The following EPCAM variants were observed in gnomAD, a reference collection of about 807,000 sequenced individuals.
EPCAM encodes the protein epithelial cell adhesion molecule.
A neutral mutation model predicts 40.0 loss-of-function variants in EPCAM; 39 were observed. That is an observed-to-expected ratio of 0.98 (90% CI 0.76 to 1.27). The LOEUF (loss-of-function observed/expected upper bound fraction) is 1.27, where lower values mean the gene tolerates loss of function less well. EPCAM is among the 50% of genes most tolerant of loss of function. EPCAM has a pLI of 0.00. For synonymous variants in EPCAM, 168 were observed against 132.3 expected, an observed-to-expected ratio of 1.27 and a Z score of -1.85; for missense variants, 503 against 381.2, an observed-to-expected ratio of 1.32 and a Z score of -2.66.
chr2:47,383,982 T>TC (rs1671668719), intron 7 of EPCAM, among the ~76,000 whole-genome samples: 1 of 152,110 alleles, frequency 6.6e-6, no homozygotes, highest in Non-Finnish European at 1.5e-5. Context: ...TTCCTTTTTT[T>TC]CTTTCTCTTT....
At chr2:47,373,408 A>G in intron 1 of EPCAM, 55 bp from the exon 2 acceptor site, 1 of 1,064,346 alleles carries the variant, frequency 9.4e-7, no homozygotes, top group South Asian at 1.3e-5. Context: ...CTTAGCTGGG[A>G]CATGAGAGTT....
Position 47,379,777 on chromosome 2 carries a change from T to C in EPCAM, c.666T>C (p.Gly222=). 7 of 1,613,050 alleles carry C rather than the reference T, an allele frequency of 4.3e-6. No individual in the cohort carries two copies. Among genetic ancestry groups the C allele is most frequent in the Non-Finnish European group, 5.1e-6 (6 of 1,179,764 alleles). The change falls in exon 7 of 9, where the codon GGT becomes GGC. Residue 222 remains glycine (G), a synonymous_variant. Coordinates refer to ENST00000263735, the MANE Select transcript of EPCAM (RefSeq NM_002354.3). The stretch of plus-strand genomic sequence containing the variant: ...TCTCCTTTTCAATACAGGTTAAAGG[T>C]GAATCCTTGTTTCATTCTAAGAAAA... ...VAYYFEKDVK[G]ESLFHSKKMD...
intron 5 of EPCAM, among the ~76,000 whole-genome samples, chr2:47,378,682 T>C (rs752111488): frequency 2.3e-4 from 35 of 152,138 alleles, no homozygotes; most frequent in Non-Finnish European, 4.1e-4. Flanking sequence ...TTTAAAAATC[T>C]TTTCAATATA....
chr2:47,379,187 C>T (rs1282238411), intron 6 of EPCAM, 133 bp downstream of exon 6: 2 of 668,496 alleles, frequency 3.0e-6, no homozygotes, highest in South Asian at 1.6e-5. Flanking sequence ...TAATTTTGTC[C>T]TCCCTGTCAC....
intron 1 of EPCAM, among the ~76,000 whole-genome samples, chr2:47,370,081 A>G (rs892932956): frequency 6.6e-6 from 1 of 152,142 alleles, no homozygotes; most frequent in African/African-American, 2.4e-5. Context: ...GCCGCTATGC[A>G]CCTGCGCGCG....
intron 1 of EPCAM, 74 bp downstream of exon 1, chr2:47,369,655 C>G: frequency 7.0e-7 from 1 of 1,426,788 alleles, no homozygotes; most frequent in Non-Finnish European, 9.7e-7. Context: ...CCTCGGCCCC[C>G]GAAACGGGCA....
chr2:47,384,780 C>G (rs750238521), intron 7 of EPCAM, among the ~76,000 whole-genome samples: 1 of 152,194 alleles, frequency 6.6e-6, no homozygotes, highest in Non-Finnish European at 1.5e-5. Context: ...CATCTCCACT[C>G]ACTGCAACCT....
At chr2:47,377,554 G>A (rs578114263) in intron 5 of EPCAM, 16 of 241,896 alleles carry the variant, frequency 6.6e-5, no homozygotes, top group African/African-American at 2.3e-4. Context: ...TTTGGTTATC[G>A]TTGTTTTCCT....
intron 5 of EPCAM, among the ~76,000 whole-genome samples, chr2:47,378,095 GT>G (rs1432111694): frequency 1.3e-5 from 2 of 151,938 alleles, no homozygotes; most frequent in Non-Finnish European, 2.9e-5. Context: ...GCCGAATGTG[GT>G]GGTGGGCACC....
chr2:47,370,870 C>A (rs1671244196), intron 1 of EPCAM, among the ~76,000 whole-genome samples: 1 of 152,088 alleles, frequency 6.6e-6, no homozygotes, highest in Non-Finnish European at 1.5e-5. Context: ...CATGCACCAC[C>A]ACGGTCAGCT....
intron 7 of EPCAM, among the ~76,000 whole-genome samples, chr2:47,381,670 C>A (rs574171333): frequency 6.6e-6 from 1 of 152,142 alleles, no homozygotes; most frequent in South Asian, 2.1e-4. Context: ...AAAGTAAACT[C>A]CCAAGAAAAT....
At position 47,385,274 on chromosome 2, in the gene EPCAM, C is replaced by T. The variant is rs1314175356; in HGVS notation, c.903+64C>T. On this transcript the variant is annotated intron_variant, in intron 8 of 8. Coordinates refer to ENST00000263735, the MANE Select transcript of EPCAM (RefSeq NM_002354.3). ...AATCTCTTACTCCTAATCACTCTAC[C>T]TTCCTACACACTGATGCATTTCAGT... 4 of 1,285,982 alleles carry T rather than the reference C, an allele frequency of 3.1e-6. No homozygotes were observed. In the South Asian group the frequency reaches 3.6e-5, roughly 11 times the overall value. 79.7% of individuals were successfully genotyped at this position (1,285,982 alleles called of 1,614,324 possible).
At chr2:47,369,634 C>T (rs1573389407) in intron 1 of EPCAM, 53 bp downstream of exon 1, 2 of 1,500,432 alleles carry the variant, frequency 1.3e-6, no homozygotes, top group Non-Finnish European at 1.8e-6. Context: ...TGGGGGGCAG[C>T]GGCCCCCGGC....
Position 47,374,127 on chromosome 2 carries a change from T to C in EPCAM, c.425+79T>C, listed in dbSNP as rs978011624. ...TAAATTTATTTTTGATTATGTAATA[T>C]GATTTCATGGTTTAGAATTCAGAAG... On this transcript the variant is annotated intron_variant, in intron 3 of 8. Transcript: ENST00000263735. 114 of 1,513,204 alleles carry C rather than the reference T, an allele frequency of 7.5e-5. 1 individual carries two copies. The South Asian group carries it at 9.1e-4, about 12-fold the overall frequency. 93.7% of individuals were successfully genotyped at this position (1,513,204 alleles called of 1,614,324 possible).
rs115871361 is a variant in EPCAM, at chr2:47,371,042, A to G, written c.76+1461A>G. On this transcript the variant is annotated intron_variant, in intron 1 of 8. Transcript: ENST00000263735. The stretch of plus-strand genomic sequence containing the variant: ...TTTGTATTTGTAGAGACGACATCTC[A>G]CTATGTTGCCCAGGCTGGTCTCGAA... Among the ~76,000 whole-genome samples, 1,487 of 151,588 alleles carry G rather than the reference A, an allele frequency of 9.8e-3. 30 individuals carry two copies. Among genetic ancestry groups the G allele is most frequent in the African/African-American group, 0.032 (1,333 of 41,306 alleles).
At chr2:47,372,001 A>G (rs546451033) in intron 1 of EPCAM, among the ~76,000 whole-genome samples, 2 of 152,318 alleles carry the variant, frequency 1.3e-5, no homozygotes, top group African/African-American at 4.8e-5. Flanking sequence ...TTAACTAGAC[A>G]AAAGGAATTA....
chr2:47,370,425 C>A (rs1196281914), intron 1 of EPCAM, among the ~76,000 whole-genome samples: 3 of 151,430 alleles, frequency 2.0e-5, no homozygotes, highest in Non-Finnish European at 2.9e-5. Context: ...TACAGGCGCG[C>A]GCCACCACCC....
intron 1 of EPCAM, 187 bp downstream of exon 1, chr2:47,369,768 C>G (rs756029969): frequency 3.3e-5 from 24 of 718,692 alleles, no homozygotes; most frequent in African/African-American, 3.3e-4. Flanking sequence ...CGGCGAGGGC[C>G]GTCCCGGGGA....
At chr2:47,378,335 CTT>C (rs1433317267) in intron 5 of EPCAM, among the ~76,000 whole-genome samples, 2 of 126,632 alleles carry the variant, frequency 1.6e-5, no homozygotes, top group African/African-American at 6.1e-5. Context: ...GAGTTTCGCT[CTT>C]GTTGCCCAGG....
Sources: gnomAD v4.1 joint callset for allele counts (sites outside exome capture counted in the v4.1 genomes callset) on GRCh38, gnomAD v4.1.1 for gene constraint, MANE v1.5 for transcripts, NCBI Gene and HGNC (gene_info 2026-07-23, HGNC 2026-07-21) for gene names.